USP49: variants seen among roughly 807,000 people sequenced by gnomAD.
USP49 encodes ubiquitin specific peptidase 49.
Under a neutral mutation model 58.6 loss-of-function variants are expected in USP49, and 24 were observed. The observed-to-expected ratio is 0.41, with a 90% confidence interval of 0.30 to 0.58. USP49 has a LOEUF of 0.58. USP49 is among the 20% of genes least tolerant of loss of function. The pLI, the probability that USP49 is intolerant of heterozygous loss-of-function variation, is 0.30. For synonymous variants in USP49, 408 were observed against 365.1 expected (o/e 1.12, Z -1.34); for missense variants, 703 against 866.1 (o/e 0.81, Z 2.36).
intron 2 of USP49, among the ~76,000 whole-genome samples, chr6:41,884,192 T>C (rs1363150618): frequency 3.3e-5 from 5 of 152,068 alleles, no homozygotes; most frequent in Non-Finnish European, 7.4e-5. Flanking sequence ...CCCAGCTAAT[T>C]TTTTGTATTT....
In USP49 at chr6:41,881,288, C is replaced by CAAAAAAA. The variant is rs57022965; in HGVS notation, c.-102-9658_-102-9652dup. Among the ~76,000 whole-genome samples, 40 of 20,390 alleles carry CAAAAAAA rather than the reference C, an allele frequency of 2.0e-3. 7 individuals are homozygous for CAAAAAAA. The highest frequency in any genetic ancestry group is 5.7e-3 in the African/African-American group (23 of 4,036). 13.4% of individuals were successfully genotyped at this position (20,390 alleles called of 152,430 possible). On this transcript the variant is annotated intron_variant, in intron 2 of 7. Coordinates refer to ENST00000682992, the MANE Select transcript of USP49 (RefSeq NM_001286554.2). ...TGTTCAGAAATATGGCATTAAATAC[C>CAAAAAAA]AAAAAAAAAAAAAAAAAAAAAAAAA... is the stretch of plus-strand genomic sequence containing the variant.
At chr6:41,889,175 G>C (rs569529084) in intron 2 of USP49, among the ~76,000 whole-genome samples, 1 of 151,910 alleles carries the variant, frequency 6.6e-6, no homozygotes, top group Non-Finnish European at 1.5e-5. Flanking sequence ...TGGGATTACC[G>C]GCACGTGCCA....
intron 3 of USP49, among the ~76,000 whole-genome samples, chr6:41,860,679 T>A (rs951348442): frequency 6.6e-6 from 1 of 151,974 alleles, no homozygotes; most frequent in African/African-American, 2.4e-5. Context: ...AGCTAATTTT[T>A]TTTTTGTATT....
chr6:41,823,066 TACA>T (rs1286923078), intron 3 of USP49, among the ~76,000 whole-genome samples: 3 of 152,194 alleles, frequency 2.0e-5, no homozygotes, highest in Non-Finnish European at 4.4e-5. Flanking sequence ...GGGCTATATG[TACA>T]ACAACTCAAA....
intron 3 of USP49, among the ~76,000 whole-genome samples, chr6:41,835,657 T>G (rs1773710864): frequency 6.7e-6 from 1 of 149,104 alleles, no homozygotes; most frequent in Non-Finnish European, 1.5e-5. Flanking sequence ...GAGGTTGCAG[T>G]GAGCCAAGAT....
chr6:41,809,933 C>T (rs1209427227), intron 3 of USP49, among the ~76,000 whole-genome samples: 4 of 151,578 alleles, frequency 2.6e-5, no homozygotes, highest in African/African-American at 9.7e-5. Context: ...GGGCAGATCA[C>T]GAGGTCAGAG....
intron 2 of USP49, among the ~76,000 whole-genome samples, chr6:41,875,089 T>A (rs1041146410): frequency 1.3e-5 from 2 of 152,144 alleles, no homozygotes; most frequent in Non-Finnish European, 2.9e-5. Context: ...CTAATATTAA[T>A]GTAGTAAGGT....
In USP49 at chr6:41,791,455, A is replaced by G. The variant is rs969872793; in HGVS notation, c.*5078T>C. 1 of 152,234 alleles carries G rather than the reference A, an allele frequency of 6.6e-6. No individual in the cohort carries two copies. Among genetic ancestry groups the G allele is most frequent in the Admixed American group, 6.5e-5 (1 of 15,282 alleles). The allele number at this position is 152,234 out of a possible 1,614,324, so 9.4% of individuals were successfully genotyped here. A position where few individuals can be genotyped will look rare whatever the true frequency, so the allele number is the denominator to read the frequency against. On this transcript the variant is annotated 3_prime_UTR_variant, in exon 8 of 8. Transcript: ENST00000682992. ...GCTTAAATCTTCAAAGTGGTTAAGA[A>G]TTTAGTAAATAAAACTACTTAATCT...
intron 3 of USP49, among the ~76,000 whole-genome samples, chr6:41,862,842 C>T (rs761626782): frequency 1.3e-5 from 2 of 151,412 alleles, no homozygotes; most frequent in Non-Finnish European, 2.9e-5. Flanking sequence ...GGTGTGATCT[C>T]GGCTCACTGC....
chr6:41,860,101 A>C (rs570310640), intron 3 of USP49, among the ~76,000 whole-genome samples: 13 of 152,216 alleles, frequency 8.5e-5, no homozygotes, highest in African/African-American at 3.1e-4. Context: ...GGAAATATAC[A>C]CACTTATTAA....
intron 3 of USP49, among the ~76,000 whole-genome samples, chr6:41,811,340 A>G (rs1405953319): frequency 6.6e-6 from 1 of 152,054 alleles, no homozygotes; most frequent in Non-Finnish European, 1.5e-5. Flanking sequence ...ACAGTAAGAT[A>G]CTCCAAGAGA....
chr6:41,835,602 T>C (rs1773709853), intron 3 of USP49, among the ~76,000 whole-genome samples: 1 of 151,718 alleles, frequency 6.6e-6, no homozygotes, highest in Non-Finnish European at 1.5e-5. Flanking sequence ...TAGTCCCAGC[T>C]ACTTGGGAGG....
chr6:41,803,776 A>G lies in USP49; in HGVS notation c.1561+30T>C, dbSNP rs1241763029. On this transcript the variant is annotated intron_variant, in intron 5 of 7. Coordinates refer to ENST00000682992, the MANE Select transcript of USP49 (RefSeq NM_001286554.2). The surrounding 1 kb of genome is among the most constrained non-coding windows in gnomAD (Gnocchi z 4.1). The stretch of plus-strand genomic sequence containing the variant: ...ACTGATATTCCAATTATTCTTCCCC[A>G]CTACGCCCCCTCCTCCACACAGCAC... The G allele has an allele frequency of 1.2e-6, 2 of 1,611,072 alleles. No homozygotes were observed. Among genetic ancestry groups the G allele is most frequent in the African/African-American group, 1.3e-5 (1 of 74,954 alleles).
intron 3 of USP49, among the ~76,000 whole-genome samples, chr6:41,852,438 T>C (rs888644015): frequency 6.6e-6 from 1 of 152,248 alleles, no homozygotes; most frequent in Non-Finnish European, 1.5e-5. Context: ...GCTGTATTTA[T>C]ATACACTAAC....
intron 3 of USP49, among the ~76,000 whole-genome samples, chr6:41,839,404 CAAAA>C (rs538220746): frequency 7.7e-3 from 170 of 22,080 alleles, no homozygotes; most frequent in Middle Eastern, 0.042. Flanking sequence ...GGCCTTGTCT[CAAAA>C]AAAAAAAAAA....
intron 3 of USP49, among the ~76,000 whole-genome samples, chr6:41,817,571 T>C (rs1484117717): frequency 6.6e-6 from 1 of 150,786 alleles, no homozygotes; most frequent in Non-Finnish European, 1.5e-5. Flanking sequence ...GTGATTCTCC[T>C]GCCTCAGCCT....
At chr6:41,888,381 T>C (rs1209368584) in intron 2 of USP49, among the ~76,000 whole-genome samples, 1 of 151,672 alleles carries the variant, frequency 6.6e-6, no homozygotes, top group Non-Finnish European at 1.5e-5. Context: ...CAAGGAGCTA[T>C]ATTTCACAGC....
At chr6:41,872,121 G>A (rs1360674603) in intron 2 of USP49, among the ~76,000 whole-genome samples, 3 of 152,196 alleles carry the variant, frequency 2.0e-5, no homozygotes, top group African/African-American at 4.8e-5. Context: ...TTTAAAAGCG[G>A]TATATATTCT....
chr6:41,892,962 A>C (rs1774834530), intron 1 of USP49, among the ~76,000 whole-genome samples: 1 of 152,222 alleles, frequency 6.6e-6, no homozygotes, highest in African/African-American at 2.4e-5. Context: ...AAGAATAACC[A>C]AATTTTGCCC....
Sources: allele counts gnomAD v4.1 joint callset (sites outside exome capture counted in the v4.1 genomes callset), GRCh38; gene constraint gnomAD v4.1.1; non-coding constraint Gnocchi (gnomAD v3.1); transcripts MANE v1.5; gene names NCBI Gene and HGNC (gene_info 2026-07-23, HGNC 2026-07-21).